Variants in DOCK10 observed in about 807,000 individuals in gnomAD.
DOCK10 encodes the protein dedicator of cytokinesis protein 10.
Under a neutral mutation model 280.1 loss-of-function variants are expected in DOCK10, and 145 were observed. The ratio of observed to expected loss-of-function variants is 0.52; its 90% confidence interval spans 0.45 to 0.59. The LOEUF (loss-of-function observed/expected upper bound fraction) is 0.59, where lower values mean the gene tolerates loss of function less well. Among genes scored for constraint, DOCK10 ranks in the 20% least tolerant of loss-of-function variants. The pLI, the probability that DOCK10 is intolerant of heterozygous loss-of-function variation, is 0.00. For synonymous variants in DOCK10, 915 were observed against 942.2 expected (o/e 0.97, Z 0.53); for missense variants, 2,368 against 2,651.7 (o/e 0.89, Z 2.35).
chr2:225,020,620 G>A (rs918650277), intron 1 of DOCK10, among the ~76,000 whole-genome samples: 24 of 152,322 alleles, frequency 1.6e-4, no homozygotes, highest in African/African-American at 5.5e-4. Flanking sequence ...CTAAGGGACA[G>A]TTTGTCAATT....
At chr2:225,022,745 C>A (rs139872387) in intron 1 of DOCK10, among the ~76,000 whole-genome samples, 5 of 152,276 alleles carry the variant, frequency 3.3e-5, no homozygotes, top group African/African-American at 1.2e-4. Flanking sequence ...AACATATGCA[C>A]AACAAATGCC....
At chr2:224,931,885 C>T (rs1702406492) in intron 1 of DOCK10, among the ~76,000 whole-genome samples, 1 of 152,198 alleles carries the variant, frequency 6.6e-6, no homozygotes, top group East Asian at 1.9e-4. Context: ...CTGATATCTC[C>T]CTCAGAAATT....
intron 1 of DOCK10, among the ~76,000 whole-genome samples, chr2:224,940,303 C>T (rs977100223): frequency 1.3e-5 from 2 of 152,196 alleles, no homozygotes; most frequent in African/African-American, 4.8e-5. Context: ...TTCCTTCTGT[C>T]CCCTTCTCTG....
chr2:224,897,016 T>C (rs960591341), intron 3 of DOCK10, among the ~76,000 whole-genome samples: 5 of 152,222 alleles, frequency 3.3e-5, no homozygotes, highest in Non-Finnish European at 7.3e-5. Flanking sequence ...CCATCATTTT[T>C]CAGCTTCCTT....
chr2:224,932,442 C>T (rs1377946530), intron 1 of DOCK10, among the ~76,000 whole-genome samples: 1 of 152,122 alleles, frequency 6.6e-6, no homozygotes, highest in Admixed American at 6.5e-5. Context: ...TTGTACAGAA[C>T]TCATAAGGTG....
chr2:224,866,943 A>G (rs1436444133), intron 11 of DOCK10, among the ~76,000 whole-genome samples: 1 of 152,076 alleles, frequency 6.6e-6, no homozygotes, highest in African/African-American at 2.4e-5. Context: ...CATGCTCCAG[A>G]TATTTCTCCA....
At chr2:224,961,418 C>CTTTCTTTCTTTG (rs1232179604) in intron 1 of DOCK10, among the ~76,000 whole-genome samples, 1 of 100,194 alleles carries the variant, frequency 1.0e-5, no homozygotes, top group African/African-American at 3.9e-5. Context: ...CTTTCTCTTT[C>CTTTCTTTCTTTG]TTTCTTTCTT....
Position 224,970,870 on chromosome 2 carries a change from G to C in DOCK10, c.124-39202C>G, listed in dbSNP as rs1705042687. Among the ~76,000 whole-genome samples the C allele has an allele frequency of 6.6e-6, 1 of 152,170 alleles. No individual in the cohort carries two copies. The highest frequency in any genetic ancestry group is 1.5e-5 in the Non-Finnish European group (1 of 68,022). On this transcript the variant is annotated intron_variant, in intron 1 of 55. Coordinates refer to ENST00000258390, the MANE Select transcript of DOCK10 (RefSeq NM_014689.3). This position sits in a 1 kb window ranked among gnomAD's most constrained non-coding sequence, Gnocchi z 4.6. ...TTTGCTATGCTATTGACATTACTTT[G>C]TATTTTGTAGCTAGCATCTATGTAG...
chr2:224,840,872 C>T (rs760915060), intron 23 of DOCK10, among the ~76,000 whole-genome samples: 4 of 152,024 alleles, frequency 2.6e-5, no homozygotes, highest in African/African-American at 7.2e-5. Flanking sequence ...GTCCATCAAC[C>T]GATGAAATGG....
chr2:224,919,027 T>A (rs1221342895), intron 2 of DOCK10, among the ~76,000 whole-genome samples: 1 of 143,910 alleles, frequency 6.9e-6, no homozygotes, highest in Non-Finnish European at 1.5e-5. Flanking sequence ...ACGCACAGGG[T>A]GTGTGTGGTG....
intron 3 of DOCK10, among the ~76,000 whole-genome samples, chr2:224,907,644 C>T (rs147345148): frequency 0.013 from 1,875 of 147,894 alleles, 35 homozygotes; most frequent in East Asian, 0.065. Context: ...GCTGAGATTG[C>T]GCCACTGCAC....
At chr2:224,823,451 A>G in intron 28 of DOCK10, 50 bp downstream of exon 28, 2 of 1,482,862 alleles carry the variant, frequency 1.3e-6, no homozygotes, top group East Asian at 2.6e-5. Context: ...ACTATCTTGC[A>G]TCCACCAACA....
chr2:224,770,360 AG>A lies in DOCK10; in HGVS notation c.6306-12del. Reference sequence around the variant, plus strand: ...GCATCTGCAAATTGCCTTTAGCGACAGCATTAAACAAATTAAAAACCAGCCC... The same window carrying A: ...GCATCTGCAAATTGCCTTTAGCGACACATTAAACAAATTAAAAACCAGCCC... On this transcript the variant is annotated splice_polypyrimidine_tract_variant and intron_variant, in intron 54 of 55. Coordinates refer to ENST00000258390, the MANE Select transcript of DOCK10 (RefSeq NM_014689.3). The surrounding 1 kb of genome is among the most constrained non-coding windows in gnomAD (Gnocchi z 4.5). 1 of 1,582,268 alleles carries A rather than the reference AG, an allele frequency of 6.3e-7. No individual in the cohort carries two copies. Among genetic ancestry groups the A allele is most frequent in the South Asian group, 1.2e-5 (1 of 86,110 alleles).
chr2:224,967,224 G>C (rs911363707), intron 1 of DOCK10, among the ~76,000 whole-genome samples: 15 of 152,070 alleles, frequency 9.9e-5, no homozygotes, highest in Middle Eastern at 3.4e-3. Context: ...GGACTACAGG[G>C]GCCCACCACC....
At chr2:225,016,375 A>T (rs1689589883) in intron 1 of DOCK10, among the ~76,000 whole-genome samples, 1 of 151,806 alleles carries the variant, frequency 6.6e-6, no homozygotes, top group Non-Finnish European at 1.5e-5. Flanking sequence ...AAAGTTTTTG[A>T]CAAAAAGGAA....
chr2:225,025,190 GAGA>G (rs1403967950), intron 1 of DOCK10, among the ~76,000 whole-genome samples: 1 of 152,198 alleles, frequency 6.6e-6, no homozygotes, highest in African/African-American at 2.4e-5. Flanking sequence ...GATATCGAGT[GAGA>G]AGAATTCTGA....
chr2:224,972,791 G>A (rs745990668), intron 1 of DOCK10, among the ~76,000 whole-genome samples: 19 of 152,162 alleles, frequency 1.2e-4, no homozygotes, highest in Admixed American at 8.5e-4. Context: ...GTTAATTTCA[G>A]TTGTATTAAA....
At chr2:224,895,947 T>C (rs1045065446) in intron 4 of DOCK10, among the ~76,000 whole-genome samples, 4 of 151,728 alleles carry the variant, frequency 2.6e-5, no homozygotes, top group Non-Finnish European at 4.4e-5. Context: ...ATGAATGCTA[T>C]ACAGAATATT....
At chr2:224,919,160 T>C (rs376125452) in intron 2 of DOCK10, among the ~76,000 whole-genome samples, 1 of 150,088 alleles carries the variant, frequency 6.7e-6, no homozygotes, top group East Asian at 2.0e-4. Context: ...ATGTGTGGTG[T>C]GTGGTGGGTT....
Sources: allele counts gnomAD v4.1 joint callset (sites outside exome capture counted in the v4.1 genomes callset), GRCh38; gene constraint gnomAD v4.1.1; non-coding constraint Gnocchi (gnomAD v3.1); transcripts MANE v1.5; gene names NCBI Gene and HGNC (gene_info 2026-07-23, HGNC 2026-07-21).